Variants in CDYL2 observed in about 807,000 individuals in gnomAD.
CDYL2 encodes chromodomain Y-like protein 2.
Under a neutral mutation model 49.4 loss-of-function variants are expected in CDYL2, and 23 were observed. The ratio of observed to expected loss-of-function variants is 0.47; its 90% CI spans 0.34 to 0.66. CDYL2 has a LOEUF of 0.66. Among genes scored for constraint, CDYL2 ranks in the 30% least tolerant of loss-of-function variants. The pLI, the probability that CDYL2 is intolerant of heterozygous loss-of-function variation, is 0.01. For synonymous variants in CDYL2, 360 were observed against 268.8 expected (o/e 1.34, Z -3.32); for missense variants, 678 against 656.4 (o/e 1.03, Z -0.36).
chr16:80,750,391 T>A (rs571249663), intron 1 of CDYL2, among the ~76,000 whole-genome samples: 1 of 140,382 alleles, frequency 7.1e-6, no homozygotes, highest in Admixed American at 7.1e-5. Context: ...AACAGTAGAC[T>A]GGATCCAAAA....
chr16:80,684,470 A>G, intron 2 of CDYL2, 68 bp downstream of exon 2: 1 of 1,456,256 alleles, frequency 6.9e-7, no homozygotes, highest in Non-Finnish European at 9.4e-7. Context: ...GTATGTCCCT[A>G]GGCTACAGGC....
chr16:80,657,687 T>C (rs888076093), intron 2 of CDYL2, among the ~76,000 whole-genome samples: 1 of 152,084 alleles, frequency 6.6e-6, no homozygotes, highest in African/African-American at 2.4e-5. Flanking sequence ...AGGCATTATC[T>C]TCATTGTGGG....
At chr16:80,679,637 T>G (rs1909894900) in intron 2 of CDYL2, 1 of 454,662 alleles carries the variant, frequency 2.2e-6, no homozygotes, top group Admixed American at 2.4e-5. Context: ...ACTTTCAACC[T>G]TACAGCTTTT....
At chr16:80,750,366 G>C (rs1359333307) in intron 1 of CDYL2, among the ~76,000 whole-genome samples, 2 of 118,046 alleles carry the variant, frequency 1.7e-5, no homozygotes, top group African/African-American at 6.3e-5. Context: ...ATAATTAACA[G>C]AAATAAAAAA....
intron 1 of CDYL2, among the ~76,000 whole-genome samples, chr16:80,756,007 A>T (rs1198785111): frequency 6.6e-6 from 1 of 152,212 alleles, no homozygotes; most frequent in Non-Finnish European, 1.5e-5. Flanking sequence ...GGAATTACAA[A>T]TTAGTTAGAA....
At chr16:80,790,078 T>C (rs1907561146) in intron 1 of CDYL2, among the ~76,000 whole-genome samples, 1 of 152,234 alleles carries the variant, frequency 6.6e-6, no homozygotes, top group African/African-American at 2.4e-5. Context: ...CAAACGCTAT[T>C]ATAACTGTTT....
intron 1 of CDYL2, among the ~76,000 whole-genome samples, chr16:80,795,352 G>A (rs1907739602): frequency 6.6e-6 from 1 of 152,164 alleles, no homozygotes; most frequent in East Asian, 1.9e-4. Flanking sequence ...GGAGTCAAGT[G>A]GGAATAATTT....
intron 1 of CDYL2, among the ~76,000 whole-genome samples, chr16:80,724,647 T>C (rs561830855): frequency 6.6e-6 from 1 of 152,192 alleles, no homozygotes; most frequent in African/African-American, 2.4e-5. Context: ...TTGTTTCACA[T>C]ACATATACAC....
At chr16:80,777,441 GA>G (rs72172247) in intron 1 of CDYL2, among the ~76,000 whole-genome samples, 2,003 of 149,058 alleles carry the variant, frequency 0.013, 10 homozygotes, top group Middle Eastern at 0.024. Context: ...TGATTTTACA[GA>G]AAAAAAAATC....
intron 1 of CDYL2, chr16:80,736,509 T>A (rs192237045): frequency 6.6e-6 from 1 of 152,310 alleles, no homozygotes; most frequent in East Asian, 1.9e-4. Flanking sequence ...TGGGAAGATA[T>A]CAACAGGTAA....
chr16:80,706,328 G>A (rs1190393896), intron 1 of CDYL2, among the ~76,000 whole-genome samples: 1 of 152,160 alleles, frequency 6.6e-6, no homozygotes, highest in Non-Finnish European at 1.5e-5. Context: ...AAACAGGAGG[G>A]CAATGCTGGA....
At chr16:80,617,283 A>G (rs879843) in intron 4 of CDYL2, among the ~76,000 whole-genome samples, 51,212 of 152,170 alleles carry the variant, frequency 0.34, 11,540 homozygotes, top group African/African-American at 0.65. Flanking sequence ...GCCATGCGGC[A>G]TGCCTGGTCA....
intron 2 of CDYL2, among the ~76,000 whole-genome samples, chr16:80,663,567 T>C (rs1372047088): frequency 6.6e-6 from 1 of 152,172 alleles, no homozygotes; most frequent in Non-Finnish European, 1.5e-5. Flanking sequence ...CTAAGTAATC[T>C]TATGATGTTC....
At chr16:80,666,032 A>G (rs959425301) in intron 2 of CDYL2, among the ~76,000 whole-genome samples, 6 of 152,178 alleles carry the variant, frequency 3.9e-5, no homozygotes, top group African/African-American at 1.4e-4. Flanking sequence ...CTCCACCTGA[A>G]GCGGAGTCTG....
At chr16:80,708,168 T>A (rs955263824) in intron 1 of CDYL2, among the ~76,000 whole-genome samples, 2 of 152,138 alleles carry the variant, frequency 1.3e-5, no homozygotes, top group Non-Finnish European at 2.9e-5. Context: ...AGTGGAGACG[T>A]CAAATCCATT....
In CDYL2 at chr16:80,770,429, C is replaced by T. The variant is rs189616352; in HGVS notation, c.24+33721G>A. 7.7e-3 allele frequency among the ~76,000 whole-genome samples: 1,176 copies of T among 152,140 alleles called. 9 individuals are homozygous for T. The highest frequency in any genetic ancestry group is 0.013 in the Non-Finnish European group (882 of 67,982). On this transcript the variant is annotated intron_variant, in intron 1 of 6. Transcript: ENST00000570137. ...TGGTTTTCAAAGAAATAATGTGCAA[C>T]AAAATCTTCACAACCAGCCAAGCTA... is the stretch of plus-strand genomic sequence containing the variant.
At chr16:80,661,342 C>T (rs1199457393) in intron 2 of CDYL2, among the ~76,000 whole-genome samples, 1 of 152,204 alleles carries the variant, frequency 6.6e-6, no homozygotes, top group Non-Finnish European at 1.5e-5. Context: ...CCTGCCCCCA[C>T]AACAGTGTGA....
chr16:80,661,106 T>C (rs145331929), intron 2 of CDYL2, among the ~76,000 whole-genome samples: 110 of 152,186 alleles, frequency 7.2e-4, no homozygotes, highest in African/African-American at 2.2e-3. Flanking sequence ...ACAGGAACCA[T>C]GTCCAAGTTC....
At chr16:80,607,033 C>G (rs917290436) in intron 6 of CDYL2, among the ~76,000 whole-genome samples, 2 of 152,182 alleles carry the variant, frequency 1.3e-5, no homozygotes, top group Non-Finnish European at 2.9e-5. Flanking sequence ...GCAGGATTTT[C>G]AGTCCTCACA....
Sources: allele counts gnomAD v4.1 joint callset (sites outside exome capture counted in the v4.1 genomes callset), GRCh38; gene constraint gnomAD v4.1.1; transcripts MANE v1.5; gene names NCBI Gene and HGNC (gene_info 2026-07-23, HGNC 2026-07-21).